ADAM12: variants seen among roughly 807,000 people sequenced by gnomAD.
ADAM12 encodes the protein disintegrin and metalloproteinase domain-containing protein 12.
Under a neutral mutation model 106.4 loss-of-function variants are expected in ADAM12, and 70 were observed. That is an observed-to-expected ratio of 0.66 (90% confidence interval 0.54 to 0.80). The LOEUF (loss-of-function observed/expected upper bound fraction) is 0.80, where lower values mean the gene tolerates loss of function less well. ADAM12 is among the 30% of genes least tolerant of loss of function. The pLI is 0.00. For synonymous variants in ADAM12, 420 were observed against 433.5 expected (o/e 0.97, Z 0.39); for missense variants, 1,010 against 1,171.9 (o/e 0.86, Z 2.02).
At chr10:126,060,987 C>T (rs1022223292) in intron 14 of ADAM12, among the ~76,000 whole-genome samples, 1 of 152,240 alleles carries the variant, frequency 6.6e-6, no homozygotes, top group African/African-American at 2.4e-5. Context: ...CTGCACTTGC[C>T]CTGGTTGGCC....
chr10:126,230,566 G>A (rs555621687), intron 3 of ADAM12, among the ~76,000 whole-genome samples: 12 of 152,292 alleles, frequency 7.9e-5, no homozygotes, highest in African/African-American at 2.6e-4. Context: ...ACACCGAATT[G>A]TAGTTTTTAA....
intron 6 of ADAM12, among the ~76,000 whole-genome samples, chr10:126,112,016 C>T (rs1280120522): frequency 7.2e-5 from 11 of 152,032 alleles, no homozygotes; most frequent in South Asian, 2.1e-4. Flanking sequence ...ACTGATAGAC[C>T]GGATAAAGAA....
At chr10:126,160,122 GAGGGGA>G (rs1232221334) in intron 3 of ADAM12, among the ~76,000 whole-genome samples, 1 of 152,208 alleles carries the variant, frequency 6.6e-6, no homozygotes, top group African/African-American at 2.4e-5. Context: ...GAAGACAAGA[GAGGGGA>G]AGGGGAAGGG....
chr10:126,206,721 A>G (rs1343516276), intron 3 of ADAM12, among the ~76,000 whole-genome samples: 8 of 152,166 alleles, frequency 5.3e-5, no homozygotes, highest in Admixed American at 6.5e-5. Context: ...AGTATGTTGC[A>G]GTAGGAGGGT....
intron 3 of ADAM12, among the ~76,000 whole-genome samples, chr10:126,189,338 T>C (rs1957455403): frequency 2.0e-5 from 3 of 152,242 alleles, no homozygotes; most frequent in Admixed American, 1.3e-4. Context: ...GAATGGGGTA[T>C]ACGGTGGGGA....
At chr10:126,120,897 T>C (rs927578443) in intron 5 of ADAM12, among the ~76,000 whole-genome samples, 5 of 139,308 alleles carry the variant, frequency 3.6e-5, no homozygotes, top group African/African-American at 1.3e-4. Context: ...TATAATAATA[T>C]ATATTATATA....
At chr10:126,256,225 T>C (rs372215499) in intron 3 of ADAM12, among the ~76,000 whole-genome samples, 3 of 152,168 alleles carry the variant, frequency 2.0e-5, no homozygotes, top group East Asian at 3.9e-4. Flanking sequence ...ACCAATCACA[T>C]TGTATGAATG....
At chr10:126,387,734 T>G (rs1398836388) in intron 1 of ADAM12, among the ~76,000 whole-genome samples, 1 of 152,030 alleles carries the variant, frequency 6.6e-6, no homozygotes, top group Non-Finnish European at 1.5e-5. Flanking sequence ...TCGTCCCGAG[T>G]GACACGTGTA....
intron 14 of ADAM12, among the ~76,000 whole-genome samples, chr10:126,063,237 C>A (rs1348140147): frequency 1.3e-5 from 2 of 152,188 alleles, no homozygotes; most frequent in Non-Finnish European, 2.9e-5. Flanking sequence ...AGAGGCCGAG[C>A]TAAAGAGGCC....
intron 12 of ADAM12, chr10:126,070,507 G>T (rs139159249): frequency 6.6e-6 from 1 of 152,302 alleles, no homozygotes; most frequent in African/African-American, 2.4e-5. Context: ...TTTGTGTGAT[G>T]AACACAGGAA....
chr10:126,338,246 A>ATTTTTTTTTT (rs200317403), intron 1 of ADAM12, among the ~76,000 whole-genome samples: 5 of 89,840 alleles, frequency 5.6e-5, no homozygotes, highest in African/African-American at 1.3e-4. Context: ...AGTAACTTAC[A>ATTTTTTTTTT]TTTTTTTTTT....
chr10:126,141,626 T>C (rs1265215161), intron 4 of ADAM12, among the ~76,000 whole-genome samples: 1 of 152,158 alleles, frequency 6.6e-6, no homozygotes, highest in Non-Finnish European at 1.5e-5. Context: ...AACTTGAAAA[T>C]TGGTAGCCCT....
At chr10:126,135,112 C>A (rs1956380878) in intron 5 of ADAM12, among the ~76,000 whole-genome samples, 1 of 152,186 alleles carries the variant, frequency 6.6e-6, no homozygotes, top group Non-Finnish European at 1.5e-5. Context: ...AACCCCCTAC[C>A]AATCCATGCC....
intron 1 of ADAM12, among the ~76,000 whole-genome samples, chr10:126,370,727 G>C (rs1442330834): frequency 1.3e-5 from 2 of 152,204 alleles, no homozygotes; most frequent in African/African-American, 4.8e-5. Flanking sequence ...CTGGAGTATG[G>C]AAGAGTTCCT....
intron 3 of ADAM12, among the ~76,000 whole-genome samples, chr10:126,248,830 C>T (rs75420428): frequency 0.068 from 10,386 of 151,916 alleles, 707 homozygotes; most frequent in East Asian, 0.18. Context: ...CTCAGCCTCC[C>T]GAGTAGCTGG....
chr10:126,312,740 C>T (rs1254241545), intron 2 of ADAM12, among the ~76,000 whole-genome samples: 1 of 152,188 alleles, frequency 6.6e-6, no homozygotes, highest in Non-Finnish European at 1.5e-5. Context: ...TCTTCAGCAG[C>T]AAGCAACTGC....
chr10:126,321,537 C>T (rs886362615), intron 2 of ADAM12, among the ~76,000 whole-genome samples: 1 of 152,156 alleles, frequency 6.6e-6, no homozygotes, highest in African/African-American at 2.4e-5. Flanking sequence ...GAAACAAGTA[C>T]AATACCTTGG....
intron 21 of ADAM12, among the ~76,000 whole-genome samples, chr10:126,022,909 C>T (rs539034492): frequency 6.6e-6 from 1 of 152,298 alleles, no homozygotes; most frequent in Non-Finnish European, 1.5e-5. Context: ...TGCTCATGTT[C>T]TGGCAATAGC....
At chr10:126,052,706 G>C (rs1468934973) in intron 14 of ADAM12, among the ~76,000 whole-genome samples, 1 of 152,118 alleles carries the variant, frequency 6.6e-6, no homozygotes, top group East Asian at 1.9e-4. Flanking sequence ...AACCTCAACA[G>C]GGATTGAAGA....
Sources: allele counts gnomAD v4.1 joint callset (sites outside exome capture counted in the v4.1 genomes callset), GRCh38; gene constraint gnomAD v4.1.1; transcripts MANE v1.5; gene names NCBI Gene and HGNC (gene_info 2026-07-23, HGNC 2026-07-21).